The following DENND10 variants were observed in gnomAD, a reference collection of about 807,000 sequenced individuals.
DENND10 encodes the protein DENN domain containing 10.
A neutral mutation model predicts 43.6 loss-of-function variants in DENND10; 24 were observed. The observed-to-expected ratio is 0.55, with a 90% CI of 0.40 to 0.77. DENND10 has a LOEUF of 0.77. Ranked by LOEUF, DENND10 falls within the 30% of genes least tolerant of loss-of-function variation. The pLI, the probability that DENND10 is intolerant of heterozygous loss-of-function variation, is 0.00. For missense variants in DENND10, 303 were observed against 429.9 expected (o/e 0.70, Z 2.61); for synonymous variants, 125 against 157.6 (o/e 0.79, Z 1.55).
intron 8 of DENND10, chr10:119,133,919 C>T (rs916935258): frequency 6.6e-6 from 1 of 152,192 alleles, no homozygotes; most frequent in African/African-American, 2.4e-5. Context: ...AAAGTGCTAC[C>T]TAGATGACTT....
chr10:119,113,166 C>T (rs1485587129), intron 3 of DENND10, among the ~76,000 whole-genome samples: 28 of 147,444 alleles, frequency 1.9e-4, no homozygotes, highest in African/African-American at 4.7e-4. Context: ...GGGTTTTAGT[C>T]GTGATTTTTT....
chr10:119,106,727 G>A (rs933627093), intron 1 of DENND10, among the ~76,000 whole-genome samples: 7 of 152,090 alleles, frequency 4.6e-5, no homozygotes, highest in Admixed American at 1.3e-4. Context: ...TTTTGTTTTC[G>A]ACAAACCTTT....
intron 2 of DENND10, among the ~76,000 whole-genome samples, chr10:119,110,180 T>A (rs369625157): frequency 2.0e-5 from 3 of 147,352 alleles, no homozygotes; most frequent in Admixed American, 6.8e-5. Flanking sequence ...TTTGTTTTTG[T>A]TTTTTTTTTG....
At position 119,120,374 on chromosome 10, in the gene DENND10, T is replaced by C; in HGVS notation, c.515T>C (p.Ile172Thr). ...IVSQFGMETV[I>T]LHTALMLKKR... ...TCTCAGTTTGGAATGGAAACTGTTA[T>C]CTTACACACAGCACTGATGCTAAAG... Residue 172 changes from isoleucine to threonine, a missense_variant, in exon 5 of 9, where the codon ATC becomes ACC. Physicochemically the swap from Ile to Thr is moderately conservative, Grantham distance 89 (BLOSUM62 -1). Coordinates refer to ENST00000361432, the MANE Select transcript of DENND10 (RefSeq NM_207009.4). 2 of 1,612,680 alleles carry C rather than the reference T, an allele frequency of 1.2e-6. No individual in the cohort carries two copies. Among genetic ancestry groups the C allele is most frequent in the Admixed American group, 1.7e-5 (1 of 60,020 alleles).
intron 6 of DENND10, among the ~76,000 whole-genome samples, chr10:119,124,220 T>C (rs889595947): frequency 2.7e-5 from 4 of 148,794 alleles, no homozygotes; most frequent in Non-Finnish European, 5.9e-5. Context: ...TGTGGTAAAA[T>C]GCATATAGGA....
intron 3 of DENND10, among the ~76,000 whole-genome samples, chr10:119,113,193 G>C (rs1416935768): frequency 2.0e-5 from 2 of 99,088 alleles, no homozygotes; most frequent in African/African-American, 6.5e-5. Context: ...TTTTCTGGTT[G>C]TTGTCTTTTT....
At chr10:119,131,546 G>A (rs1352975407) in intron 7 of DENND10, among the ~76,000 whole-genome samples, 3 of 152,202 alleles carry the variant, frequency 2.0e-5, no homozygotes, top group Non-Finnish European at 4.4e-5. Flanking sequence ...GCACTACTCA[G>A]GTAGTGGTTT....
intron 2 of DENND10, 28 bp downstream of exon 2, chr10:119,108,192 A>C (rs780504899): frequency 2.0e-6 from 3 of 1,500,580 alleles, no homozygotes; most frequent in Non-Finnish European, 1.8e-6. Flanking sequence ...TAAAAAAAAA[A>C]CCCCAAAATA....
In DENND10 at chr10:119,124,849, C is replaced by T. The variant is rs1352143265; in HGVS notation, c.694+1280C>T. Among the ~76,000 whole-genome samples the T allele has an allele frequency of 9.9e-5, 15 of 152,016 alleles. 1 individual carries two copies. Among genetic ancestry groups the T allele is most frequent in the Admixed American group, 9.8e-4 (15 of 15,258 alleles). ...GGCCGAGGTGGGGTGATCGCCTGAGCCCAGGAGTTCCAGACCAGCCTGGGC... is the reference window on the plus strand; with the variant it reads ...GGCCGAGGTGGGGTGATCGCCTGAGTCCAGGAGTTCCAGACCAGCCTGGGC... On this transcript the variant is annotated intron_variant, in intron 6 of 8. Transcript: ENST00000361432.
At chr10:119,131,072 C>A (rs11198793) in intron 7 of DENND10, among the ~76,000 whole-genome samples, 82,742 of 152,046 alleles carry the variant, frequency 0.54, 22,812 homozygotes, top group Middle Eastern at 0.67. Flanking sequence ...TGAAGCATGT[C>A]TTAGTAAGCA....
intron 1 of DENND10, among the ~76,000 whole-genome samples, chr10:119,104,593 C>A (rs1404118600): frequency 4.7e-5 from 7 of 149,384 alleles, no homozygotes; most frequent in African/African-American, 1.7e-4. Flanking sequence ...GCTGGCGGCG[C>A]GGCGCGGCGC....
intron 8 of DENND10, chr10:119,134,399 G>T (rs1334675841): frequency 6.8e-6 from 1 of 147,928 alleles, no homozygotes; most frequent in Non-Finnish European, 1.5e-5. Context: ...TGCCTAGGCG[G>T]GAGTGCAGTG....
chr10:119,118,997 C>A (rs1164900374), intron 4 of DENND10, among the ~76,000 whole-genome samples: 1 of 146,214 alleles, frequency 6.8e-6, no homozygotes, highest in African/African-American at 2.5e-5. Context: ...GCACCTGCCA[C>A]CACACCCAGC....
In DENND10 at chr10:119,136,631, A is replaced by C; in HGVS notation, c.1058A>C (p.Gln353Pro). 1 of 1,505,180 alleles carries C rather than the reference A, an allele frequency of 6.6e-7. No individual in the cohort carries two copies. The highest frequency in any genetic ancestry group is 9.0e-7 in the Non-Finnish European group (1 of 1,114,720). The allele number at this position is 1,505,180 out of a possible 1,614,324, so 93.2% of individuals were successfully genotyped here. ...CTTTATCATCTAGCAGCAGCCGAAC[A>C]AATGCTGAAAATCTGACTGTGTGAC... ...NFLYHLAAAE[Q>P]MLKI Residue 353 changes from glutamine to proline, a missense_variant, in exon 9 of 9, where the codon CAA becomes CCA. By Grantham distance (76) the Gln-to-Pro change is moderately conservative (BLOSUM62 -1). Transcript: ENST00000361432.
intron 5 of DENND10, 29 bp from the exon 6 acceptor site, chr10:119,123,440 C>A: frequency 1.3e-6 from 2 of 1,542,016 alleles, no homozygotes; most frequent in Non-Finnish European, 1.8e-6. Flanking sequence ...GGACCAGCAA[C>A]AACTTGAGTT....
chr10:119,106,082 T>A (rs1844683210), intron 1 of DENND10, among the ~76,000 whole-genome samples: 1 of 152,042 alleles, frequency 6.6e-6, no homozygotes, highest in East Asian at 1.9e-4. Flanking sequence ...TAATCTCAGC[T>A]ACTTAGGAGG....
At chr10:119,121,121 A>G (rs1321856815) in intron 5 of DENND10, among the ~76,000 whole-genome samples, 1 of 150,926 alleles carries the variant, frequency 6.6e-6, no homozygotes, top group East Asian at 2.0e-4. Flanking sequence ...GGCCAAAATA[A>G]ATGTAGATTT....
At chr10:119,129,792 A>G (rs2133525455) in intron 7 of DENND10, among the ~76,000 whole-genome samples, 170 bp downstream of exon 7, 1 of 152,366 alleles carries the variant, frequency 6.6e-6, no homozygotes, top group Non-Finnish European at 1.5e-5. Context: ...ACATATTAGC[A>G]GAACATCCCG....
At chr10:119,123,417 G>A (rs528997335) in intron 5 of DENND10, 52 bp from the exon 6 acceptor site, 7 of 1,330,376 alleles carry the variant, frequency 5.3e-6, no homozygotes, top group African/African-American at 4.3e-5. Context: ...GGCAGGCTGA[G>A]TCTTTAAGGT....
Sources: allele counts gnomAD v4.1 joint callset (sites outside exome capture counted in the v4.1 genomes callset), GRCh38; gene constraint gnomAD v4.1.1; transcripts MANE v1.5; gene names NCBI Gene and HGNC (gene_info 2026-07-23, HGNC 2026-07-21).